CA10: variants seen among roughly 807,000 people sequenced by gnomAD.
The protein encoded by CA10 is carbonic anhydrase-related protein 10.
A neutral mutation model predicts 44.2 loss-of-function variants in CA10; 14 were observed. The ratio of observed to expected loss-of-function variants is 0.32; its 90% CI spans 0.21 to 0.50. The LOEUF (loss-of-function observed/expected upper bound fraction) is 0.50. Among genes scored for constraint, CA10 ranks in the 20% least tolerant of loss-of-function variants. The pLI is 0.99. For synonymous variants in CA10, 159 were observed against 141.6 expected (o/e 1.12, Z -0.87); for missense variants, 350 against 409.7 (o/e 0.85, Z 1.26).
chr17:51,827,825 C>T (rs1240862798), intron 3 of CA10, among the ~76,000 whole-genome samples: 1 of 152,166 alleles, frequency 6.6e-6, no homozygotes, highest in Non-Finnish European at 1.5e-5. Context: ...TCCCAGCTTT[C>T]CTTAAACTTA....
At chr17:51,711,694 C>T (rs1915947717) in intron 4 of CA10, among the ~76,000 whole-genome samples, 1 of 152,204 alleles carries the variant, frequency 6.6e-6, no homozygotes, top group African/African-American at 2.4e-5. Context: ...TTTGATTTGC[C>T]TGCAGATTGT....
At chr17:52,093,875 C>A (rs1292917032) in intron 1 of CA10, among the ~76,000 whole-genome samples, 1 of 152,064 alleles carries the variant, frequency 6.6e-6, no homozygotes, top group Non-Finnish European at 1.5e-5. Context: ...TACATAAAGA[C>A]ACTGAAGTTC....
intron 2 of CA10, among the ~76,000 whole-genome samples, chr17:52,004,103 C>T (rs1037214101): frequency 6.6e-6 from 1 of 151,798 alleles, no homozygotes; most frequent in Admixed American, 6.6e-5. Flanking sequence ...TGCTGAAAAC[C>T]CATTTATCAT....
intron 2 of CA10, among the ~76,000 whole-genome samples, chr17:52,051,129 G>GAAAAT (rs1025473921): frequency 6.6e-6 from 1 of 151,192 alleles, no homozygotes; most frequent in Admixed American, 6.6e-5. Flanking sequence ...GAAAAGAAAA[G>GAAAAT]AAAGGAAGAA....
At chr17:51,937,376 CT>C (rs1328210126) in intron 2 of CA10, among the ~76,000 whole-genome samples, 1 of 152,064 alleles carries the variant, frequency 6.6e-6, no homozygotes, top group Non-Finnish European at 1.5e-5. Context: ...CTGCTGCAGG[CT>C]TTTGGTCTGT....
intron 4 of CA10, among the ~76,000 whole-genome samples, chr17:51,709,873 G>A (rs1271052206): frequency 6.6e-6 from 1 of 152,218 alleles, no homozygotes; most frequent in Non-Finnish European, 1.5e-5. Flanking sequence ...CTTGCTGCGT[G>A]CAGTGGCATT....
chr17:51,661,311 C>A (rs1394376009), intron 4 of CA10, among the ~76,000 whole-genome samples: 6 of 152,288 alleles, frequency 3.9e-5, no homozygotes, highest in African/African-American at 9.6e-5. Flanking sequence ...ACAGAGAGAA[C>A]AAGGCGCTTG....
intron 1 of CA10, among the ~76,000 whole-genome samples, chr17:52,149,568 G>A (rs926906226): frequency 1.3e-5 from 2 of 152,102 alleles, no homozygotes; most frequent in South Asian, 2.1e-4. Flanking sequence ...TCCTTTAAAG[G>A]TCTGTTTAAG....
intron 4 of CA10, among the ~76,000 whole-genome samples, chr17:51,701,692 T>C (rs1159195269): frequency 6.6e-6 from 1 of 152,186 alleles, no homozygotes; most frequent in East Asian, 1.9e-4. Context: ...CCATGTTTGG[T>C]AACAGGCCAA....
intron 3 of CA10, among the ~76,000 whole-genome samples, chr17:51,921,582 A>G (rs866835403): frequency 2.0e-5 from 3 of 152,156 alleles, no homozygotes. Context: ...GTTTTCTATT[A>G]GTTAACCTTA....
chr17:51,843,401 T>G (rs1047767620), intron 3 of CA10, among the ~76,000 whole-genome samples: 1 of 152,250 alleles, frequency 6.6e-6, no homozygotes, highest in Non-Finnish European at 1.5e-5. Context: ...TTTGTTACAC[T>G]GGTTTTTGCC....
chr17:52,012,051 T>C (rs1985814823), intron 2 of CA10, among the ~76,000 whole-genome samples: 1 of 151,962 alleles, frequency 6.6e-6, no homozygotes, highest in Non-Finnish European at 1.5e-5. Context: ...GGGACCCCAA[T>C]ATGCCATGAA....
At position 51,830,423 on chromosome 17, in the gene CA10, T is replaced by TA. The variant is rs957896397; in HGVS notation, c.280-82606dup. Among the ~76,000 whole-genome samples the TA allele has an allele frequency of 7.6e-4, 113 of 147,782 alleles. 1 individual carries two copies. The highest frequency in any genetic ancestry group is 1.6e-3 in the African/African-American group (65 of 40,342). The stretch of plus-strand genomic sequence containing the variant: ...CCTGATTTAGAAAAAGTATTGGACT[T>TA]AAAAAAAAAACAAACAATTTCTGAG... On this transcript the variant is annotated intron_variant, in intron 3 of 8. Transcript: ENST00000451037.
chr17:52,099,819 T>C (rs968157454), intron 1 of CA10, among the ~76,000 whole-genome samples: 4 of 151,974 alleles, frequency 2.6e-5, no homozygotes, highest in Non-Finnish European at 5.9e-5. Context: ...AGATATGGAG[T>C]CTTGTGAACT....
At chr17:51,656,168 A>ATG (rs1401705040) in intron 4 of CA10, among the ~76,000 whole-genome samples, 1 of 152,192 alleles carries the variant, frequency 6.6e-6, no homozygotes, top group Admixed American at 6.5e-5. Context: ...CTGCCAGGGG[A>ATG]TGTGCCAGTG....
At chr17:51,659,672 A>G (rs1026434186) in intron 4 of CA10, among the ~76,000 whole-genome samples, 1 of 152,076 alleles carries the variant, frequency 6.6e-6, no homozygotes, top group Admixed American at 6.5e-5. Context: ...TTTGTCGAAC[A>G]CCTCTTTGTG....
chr17:51,781,783 A>G (rs922679386), intron 3 of CA10, among the ~76,000 whole-genome samples: 1 of 152,216 alleles, frequency 6.6e-6, no homozygotes, highest in East Asian at 1.9e-4. Context: ...CAATCATGAC[A>G]TGTAACAGTT....
At chr17:51,927,204 C>T (rs1007204783) in intron 3 of CA10, among the ~76,000 whole-genome samples, 1 of 152,074 alleles carries the variant, frequency 6.6e-6, no homozygotes, top group African/African-American at 2.4e-5. Flanking sequence ...TTAGATCCTA[C>T]CTTTTATACC....
intron 2 of CA10, among the ~76,000 whole-genome samples, chr17:52,040,513 C>A (rs1160139919): frequency 6.6e-6 from 1 of 151,958 alleles, no homozygotes; most frequent in Non-Finnish European, 1.5e-5. Context: ...TACCCTCATG[C>A]CTTAAACAAT....
Sources: gnomAD v4.1 joint callset for allele counts (sites outside exome capture counted in the v4.1 genomes callset) on GRCh38, gnomAD v4.1.1 for gene constraint, MANE v1.5 for transcripts, NCBI Gene and HGNC (gene_info 2026-07-23, HGNC 2026-07-21) for gene names.